EXOC1: variants seen among roughly 807,000 people sequenced by gnomAD.
EXOC1 encodes exocyst complex component 1.
EXOC1 carries 67 observed loss-of-function variants against 107.7 expected under a neutral mutation model. The observed-to-expected ratio is 0.62, with a 90% CI of 0.51 to 0.76. EXOC1 has a LOEUF of 0.76. EXOC1 is among the 30% of genes least tolerant of loss of function. The pLI, the probability that EXOC1 is intolerant of heterozygous loss-of-function variation, is 0.00. For synonymous variants in EXOC1, 348 were observed against 353.5 expected, an observed-to-expected ratio of 0.98 and a Z score of 0.17; for missense variants, 833 against 1,055.7, an observed-to-expected ratio of 0.79 and a Z score of 2.92.
chr4:55,875,981 T>C (rs1282791247), intron 8 of EXOC1: 2 of 959,662 alleles, frequency 2.1e-6, no homozygotes, highest in Non-Finnish European at 2.5e-6. Context: ...TATATCTGGC[T>C]AGTATCTAAT....
chr4:55,886,660 AATG>A lies in EXOC1; in HGVS notation c.1331-2223_1331-2221del, dbSNP rs533964987. Among the ~76,000 whole-genome samples the A allele has an allele frequency of 7.9e-4, 121 of 152,262 alleles. 1 individual carries two copies. The highest frequency in any genetic ancestry group is 2.8e-3 in the African/African-American group (115 of 41,572). ...AATTAAAATAGAAATCTCATTTTAG[AATG>A]ATGACTTTTCAATGAATGAAAATTA... is the stretch of plus-strand genomic sequence containing the variant. On this transcript the variant is annotated intron_variant, in intron 10 of 18. Transcript: ENST00000381295.
At chr4:55,862,356 G>A (rs972003847) in intron 3 of EXOC1, among the ~76,000 whole-genome samples, 1 of 151,570 alleles carries the variant, frequency 6.6e-6, no homozygotes, top group African/African-American at 2.4e-5. Context: ...CTTGGTGTGT[G>A]TATGCTATAT....
chr4:55,866,795 A>T, intron 4 of EXOC1: 1 of 876,334 alleles, frequency 1.1e-6, no homozygotes, highest in Non-Finnish European at 1.4e-6. Context: ...TTAAAAATTT[A>T]AGCCTGTTTA....
At position 55,893,735 on chromosome 4, in the gene EXOC1, G is replaced by T. The variant is rs540653122; in HGVS notation, c.1908G>T (p.Leu636Phe). ...VDPASFLSTT[L>F]GNVLVTVKRN... is the part of the protein sequence containing the mutation. ...CTGCTTCTTTCCTAAGTACTACATT[G>T]GGAAATGTTTTGGTGACTGTCAAAA... The change falls in exon 15 of 19, where the codon TTG becomes TTT. Residue 636 changes from leucine (L) to phenylalanine (F), a missense_variant. Transcript: ENST00000381295. 3.1e-6 allele frequency: 5 copies of T among 1,613,930 alleles called. No individual in the cohort carries two copies. Among genetic ancestry groups the T allele is most frequent in the Non-Finnish European group, 4.2e-6 (5 of 1,179,966 alleles).
chr4:55,889,041 T>C, intron 11 of EXOC1, 109 bp downstream of exon 11: 1 of 1,018,378 alleles, frequency 9.8e-7, no homozygotes, highest in South Asian at 1.4e-5. Context: ...TTGCTCTGAA[T>C]TGCCAGGTAT....
Position 55,868,498 on chromosome 4 carries a change from C to A in EXOC1, c.578C>A (p.Ser193Tyr). ...GCGGAAGCCTTTGCAGAAAAATTGT[C>A]CAGAGAGCTGCAGGTGCTAGATGGG... ...SNAEAFAEKL[S>Y]RELQVLDGAN... Residue 193 changes from serine (S) to tyrosine (Y), a missense_variant, in exon 5 of 19, where the codon TCC (serine) becomes TAC (tyrosine). Physicochemically the swap from Ser to Tyr is moderately radical, Grantham distance 144. Coordinates refer to ENST00000381295, the MANE Select transcript of EXOC1 (RefSeq NM_001024924.2). 6.2e-7 allele frequency: 1 copy of A among 1,613,064 alleles called. No individual in the cohort carries two copies.
chr4:55,871,802 A>T, intron 7 of EXOC1, 47 bp from the exon 8 acceptor site: 1 of 1,538,328 alleles, frequency 6.5e-7, no homozygotes, highest in South Asian at 1.2e-5. Context: ...ACATCAAGGA[A>T]ATCTTTTTAC....
chr4:55,868,345 C>T lies in EXOC1; in HGVS notation c.425C>T (p.Pro142Leu). The part of the protein sequence containing the change: ...VSSQLLEESV[P>L]SGENQSVTGG... Reference sequence around the variant, plus strand: ...TTTTTACCTCTTTAAGAATCTGTTCCAAGTGGAGAAAATCAGAGTGTGACA... The same window carrying T: ...TTTTTACCTCTTTAAGAATCTGTTCTAAGTGGAGAAAATCAGAGTGTGACA... Residue 142 changes from proline to leucine, a missense_variant, in exon 5 of 19, where the codon CCA becomes CTA. This residue lies in a region of EXOC1 where 617 missense variants were observed against 701.3 expected (regional missense o/e 0.88). Coordinates refer to ENST00000381295, the MANE Select transcript of EXOC1 (RefSeq NM_001024924.2). The T allele has an allele frequency of 1.9e-6, 3 of 1,608,022 alleles. No individual in the cohort carries two copies. Among genetic ancestry groups the T allele is most frequent in the Admixed American group, 1.7e-5 (1 of 59,664 alleles).
intron 15 of EXOC1, 29 bp downstream of exon 15, chr4:55,893,809 T>C: frequency 8.4e-6 from 13 of 1,556,566 alleles, no homozygotes; most frequent in Non-Finnish European, 1.1e-5. Flanking sequence ...AAAAATACCT[T>C]AGCATCCTAG....
At chr4:55,875,791 G>C (rs1722844740) in intron 8 of EXOC1, 1 of 985,078 alleles carries the variant, frequency 1.0e-6, no homozygotes, top group South Asian at 4.7e-5. Context: ...TAGGCCAGGC[G>C]CAGTGGCTCA....
intron 8 of EXOC1, chr4:55,872,721 A>G: frequency 1.3e-6 from 1 of 789,082 alleles, no homozygotes; most frequent in Non-Finnish European, 1.5e-6. Context: ...ATATTCTAAA[A>G]CAATTGTATT....
intron 17 of EXOC1, among the ~76,000 whole-genome samples, 184 bp downstream of exon 17, chr4:55,900,068 T>C (rs1460289326): frequency 1.3e-5 from 2 of 152,202 alleles, no homozygotes; most frequent in Non-Finnish European, 2.9e-5. Context: ...CTTCTTTCTG[T>C]ACATTATTTT....
intron 15 of EXOC1, 129 bp downstream of exon 15, chr4:55,893,909 G>T (rs1724872411): frequency 1.4e-6 from 1 of 725,952 alleles, no homozygotes; most frequent in Non-Finnish European, 2.2e-6. Flanking sequence ...TCGAAGCAGG[G>T]CATGGCAACA....
intron 5 of EXOC1, among the ~76,000 whole-genome samples, chr4:55,868,934 A>G (rs1722192201): frequency 1.3e-5 from 2 of 152,232 alleles, no homozygotes; most frequent in Admixed American, 6.5e-5. Flanking sequence ...TGGCTGAAAT[A>G]TGTGAATCAT....
intron 2 of EXOC1, 77 bp downstream of exon 2, chr4:55,858,524 ATCC>A (rs1468193383): frequency 7.0e-7 from 1 of 1,430,724 alleles, no homozygotes; most frequent in Admixed American, 2.5e-5. Flanking sequence ...TGTTTTGAAT[ATCC>A]TCATTGTCTC....
intron 3 of EXOC1, among the ~76,000 whole-genome samples, chr4:55,862,546 G>GT (rs1045267611): frequency 1.1e-4 from 17 of 152,022 alleles, no homozygotes; most frequent in African/African-American, 3.6e-4. Context: ...CTCTTGTTGT[G>GT]TTTTTTTGTA....
intron 8 of EXOC1, among the ~76,000 whole-genome samples, chr4:55,872,972 C>A (rs949611047): frequency 1.3e-4 from 20 of 152,076 alleles, no homozygotes; most frequent in Admixed American, 1.3e-3. Context: ...ATAGTAGAGA[C>A]TATTTTGGCC....
chr4:55,885,553 G>T (rs1016409281), intron 10 of EXOC1: 1 of 152,086 alleles, frequency 6.6e-6, no homozygotes, highest in Non-Finnish European at 1.5e-5. Flanking sequence ...AAATAGCAAG[G>T]AATAGGAGAG....
chr4:55,869,339 T>C (rs1415864754), intron 5 of EXOC1, among the ~76,000 whole-genome samples: 1 of 152,056 alleles, frequency 6.6e-6, no homozygotes, highest in Admixed American at 6.6e-5. Context: ...GCACTCCAGC[T>C]TGGGTGACAG....
Sources: gnomAD v4.1 joint callset for allele counts (sites outside exome capture counted in the v4.1 genomes callset) on GRCh38, gnomAD v4.1.1 for gene constraint, gnomAD v4.1.1 regional missense constraint, MANE v1.5 for transcripts, NCBI Gene and HGNC (gene_info 2026-07-23, HGNC 2026-07-21) for gene names.